PBX1: variants seen among roughly 807,000 people sequenced by gnomAD.
The protein encoded by PBX1 is pre-B-cell leukemia transcription factor 1.
In PBX1, 6 loss-of-function variants were observed where a neutral mutation model predicts 53.4. The observed-to-expected ratio is 0.11, with a 90% confidence interval of 0.06 to 0.22. The LOEUF is 0.22. Ranked by LOEUF, PBX1 falls within the 10% of genes least tolerant of loss-of-function variation. The probability of loss-of-function intolerance (pLI) is 1.00; values close to 1 mark genes in which losing one functional copy is unlikely to be tolerated. For synonymous variants in PBX1, 204 were observed against 212.3 expected, an observed-to-expected ratio of 0.96 and a Z score of 0.34; for missense variants, 251 against 551.4, an observed-to-expected ratio of 0.46 and a Z score of 5.46.
intron 2 of PBX1, among the ~76,000 whole-genome samples, chr1:164,690,634 A>G (rs2102021597): frequency 6.6e-6 from 1 of 152,084 alleles, no homozygotes; most frequent in South Asian, 2.1e-4. Context: ...TTTCTTAAAA[A>G]AAAAAAAAAA....
intron 2 of PBX1, among the ~76,000 whole-genome samples, chr1:164,866,219 A>G (rs778963608): frequency 1.1e-4 from 17 of 152,370 alleles, no homozygotes; most frequent in Non-Finnish European, 2.4e-4. Context: ...TTGCCTCTCA[A>G]TGAAGGAGTA....
At chr1:164,745,292 T>A (rs917596754) in intron 2 of PBX1, among the ~76,000 whole-genome samples, 45 of 152,336 alleles carry the variant, frequency 3.0e-4, no homozygotes, top group African/African-American at 1.1e-3. Flanking sequence ...GGGACTTTCC[T>A]TTATCATCGC....
intron 2 of PBX1, among the ~76,000 whole-genome samples, chr1:164,876,457 C>A (rs1401121663): frequency 6.6e-6 from 1 of 151,394 alleles, no homozygotes; most frequent in Non-Finnish European, 1.5e-5. Context: ...TAAAAAGGCT[C>A]CCATGCAGGG....
intron 2 of PBX1, among the ~76,000 whole-genome samples, chr1:164,664,916 C>A (rs1660720710): frequency 1.4e-5 from 2 of 139,472 alleles, no homozygotes; most frequent in Non-Finnish European, 3.2e-5. Flanking sequence ...TCCCACAATA[C>A]ATGGGAATTC....
At chr1:164,639,343 T>C (rs916143999) in intron 2 of PBX1, among the ~76,000 whole-genome samples, 10 of 152,240 alleles carry the variant, frequency 6.6e-5, no homozygotes, top group Non-Finnish European at 1.5e-4. Flanking sequence ...GAAGAGCCTT[T>C]ATTTCCTTCT....
chr1:164,813,151 C>CG (rs1421541032), intron 6 of PBX1: 8 of 152,098 alleles, frequency 5.3e-5, no homozygotes, highest in Non-Finnish European at 1.2e-4. Flanking sequence ...TTTCTTACAG[C>CG]GACTCGTTAC....
At chr1:164,826,826 A>G (rs557508746) in intron 8 of PBX1, among the ~76,000 whole-genome samples, 83 of 152,354 alleles carry the variant, frequency 5.4e-4, no homozygotes, top group African/African-American at 1.9e-3. Context: ...AATGGAAATA[A>G]GTGTCAGCAT....
At chr1:164,730,027 A>G (rs1304295546) in intron 2 of PBX1, among the ~76,000 whole-genome samples, 3 of 152,182 alleles carry the variant, frequency 2.0e-5, no homozygotes, top group African/African-American at 7.2e-5. Context: ...TATAGCTGGT[A>G]AACAGCAGAG....
At chr1:164,802,147 T>C (rs561507108) in intron 4 of PBX1, among the ~76,000 whole-genome samples, 1 of 152,354 alleles carries the variant, frequency 6.6e-6, no homozygotes, top group East Asian at 1.9e-4. Flanking sequence ...GAATTGAGTG[T>C]TACTACTTTG....
Position 164,750,056 on chromosome 1 carries a change from T to C in PBX1, c.266-42438T>C, listed in dbSNP as rs115130793. Among the ~76,000 whole-genome samples the C allele has an allele frequency of 7.8e-3, 1,181 of 151,638 alleles. 14 individuals carry two copies. Among genetic ancestry groups the C allele is most frequent in the African/African-American group, 0.027 (1,132 of 41,232 alleles). The stretch of plus-strand genomic sequence containing the variant: ...TCAAGGCTGTAGTGAGCTATGATTA[T>C]ACTGCACATTAGCCCGGGTGACAGA... On this transcript the variant is annotated intron_variant, in intron 2 of 8. Transcript: ENST00000420696.
At chr1:164,846,510 C>A in intron 8 of PBX1, 74 bp from the exon 9 acceptor site, 2 of 1,254,820 alleles carry the variant, frequency 1.6e-6, no homozygotes, top group Non-Finnish European at 2.3e-6. Flanking sequence ...ACACAAGATG[C>A]CTCATTGTCA....
chr1:164,699,740 T>C (rs1213658051), intron 2 of PBX1, among the ~76,000 whole-genome samples: 1 of 152,166 alleles, frequency 6.6e-6, no homozygotes, highest in African/African-American at 2.4e-5. Context: ...AAAATTCTTC[T>C]TCTCGTTGCT....
chr1:164,635,391 C>T (rs1658697300), intron 2 of PBX1, among the ~76,000 whole-genome samples: 1 of 152,184 alleles, frequency 6.6e-6, no homozygotes, highest in Non-Finnish European at 1.5e-5. Flanking sequence ...AGTAAGAGGC[C>T]TTTCTCAGTG....
At chr1:164,760,094 G>A (rs546497677) in intron 2 of PBX1, among the ~76,000 whole-genome samples, 9 of 152,206 alleles carry the variant, frequency 5.9e-5, no homozygotes, top group East Asian at 1.9e-4. Context: ...TTTCTATCTC[G>A]TTTATTTTAA....
At chr1:164,651,071 C>G (rs1238522120) in intron 2 of PBX1, among the ~76,000 whole-genome samples, 1 of 152,188 alleles carries the variant, frequency 6.6e-6, no homozygotes, top group Non-Finnish European at 1.5e-5. Flanking sequence ...CCTTGTACCT[C>G]CCATCTCTGA....
At chr1:164,711,254 A>G (rs1663750210) in intron 2 of PBX1, among the ~76,000 whole-genome samples, 1 of 152,054 alleles carries the variant, frequency 6.6e-6, no homozygotes, top group African/African-American at 2.4e-5. Flanking sequence ...CCAAAACTTC[A>G]ATCATCAGTC....
At chr1:164,731,606 A>G (rs571168539) in intron 2 of PBX1, among the ~76,000 whole-genome samples, 2 of 152,346 alleles carry the variant, frequency 1.3e-5, no homozygotes, top group East Asian at 3.9e-4. Flanking sequence ...AGCAACAGGT[A>G]GACTTAATCA....
At chr1:164,780,396 T>C (rs1558003833) in intron 2 of PBX1, among the ~76,000 whole-genome samples, 2 of 152,142 alleles carry the variant, frequency 1.3e-5, no homozygotes, top group African/African-American at 4.8e-5. Flanking sequence ...CTTTAAAATG[T>C]CCCCCTGGAA....
intron 2 of PBX1, among the ~76,000 whole-genome samples, chr1:164,873,699 C>G (rs1404455781): frequency 6.6e-6 from 1 of 152,172 alleles, no homozygotes; most frequent in Non-Finnish European, 1.5e-5. Flanking sequence ...GATATTCTCT[C>G]AACCACCGCA....
Sources: gnomAD v4.1 joint callset for allele counts (sites outside exome capture counted in the v4.1 genomes callset) on GRCh38, gnomAD v4.1.1 for gene constraint, MANE v1.5 for transcripts, NCBI Gene and HGNC (gene_info 2026-07-23, HGNC 2026-07-21) for gene names.